Variants in TCF4 observed in about 807,000 individuals in gnomAD.
The protein encoded by TCF4 is SL3-3 enhancer factor 2.
In TCF4, 3 loss-of-function variants were observed where a neutral mutation model predicts 82.1. That is an observed-to-expected ratio of 0.04 (90% CI 0.02 to 0.09). The LOEUF (loss-of-function observed/expected upper bound fraction) is 0.09, where lower values mean the gene tolerates loss of function less well. TCF4 is among the 10% of genes least tolerant of loss of function. TCF4 has a pLI of 1.00. For missense variants in TCF4, 518 were observed against 852.7 expected, an observed-to-expected ratio of 0.61 and a Z score of 4.89; for synonymous variants, 276 against 309.6, an observed-to-expected ratio of 0.89 and a Z score of 1.14.
At chr18:55,493,135 G>C (rs995555869) in intron 3 of TCF4, among the ~76,000 whole-genome samples, 2 of 152,102 alleles carry the variant, frequency 1.3e-5, no homozygotes, top group Admixed American at 6.5e-5. Flanking sequence ...CAAGACGACA[G>C]GACAGTCAGC....
chr18:55,401,727 C>T (rs1194312590), intron 6 of TCF4: 18 of 985,944 alleles, frequency 1.8e-5, no homozygotes, highest in Non-Finnish European at 1.9e-5. Flanking sequence ...AGGGGCCTCA[C>T]GCTTACTCAG....
At chr18:55,478,275 C>T (rs982417975) in intron 3 of TCF4, among the ~76,000 whole-genome samples, 1 of 152,218 alleles carries the variant, frequency 6.6e-6, no homozygotes, top group African/African-American at 2.4e-5. Flanking sequence ...TGGTCTGTAA[C>T]AGCACAGGCT....
chr18:55,604,550 C>G (rs1226555870), intron 2 of TCF4, among the ~76,000 whole-genome samples: 2 of 152,176 alleles, frequency 1.3e-5, no homozygotes, highest in African/African-American at 4.8e-5. Context: ...GCGCATTGCC[C>G]ACCCAGTTGC....
intron 5 of TCF4, among the ~76,000 whole-genome samples, chr18:55,407,082 G>C (rs749464314): frequency 1.3e-5 from 2 of 152,066 alleles, no homozygotes; most frequent in Admixed American, 6.6e-5. Context: ...GGGTTGGTGC[G>C]GGGGGCGGGG....
chr18:55,411,891 C>T (rs2094359907), intron 5 of TCF4, among the ~76,000 whole-genome samples: 1 of 152,152 alleles, frequency 6.6e-6, no homozygotes, highest in Admixed American at 6.5e-5. Context: ...CACGCATGTG[C>T]CACCACATCC....
intron 8 of TCF4, among the ~76,000 whole-genome samples, chr18:55,343,631 C>G (rs1367834989): frequency 1.3e-5 from 2 of 152,138 alleles, no homozygotes; most frequent in Non-Finnish European, 2.9e-5. Context: ...GCAGAAACTT[C>G]TGCACTACCT....
Position 55,223,616 on chromosome 18 carries a change from A to G in TCF4, c.*4419T>C, listed in dbSNP as rs1010488689. The G allele has an allele frequency of 2.0e-5, 3 of 152,308 alleles. No individual in the cohort carries two copies. Among genetic ancestry groups the G allele is most frequent in the African/African-American group, 7.3e-5 (3 of 41,342 alleles). The allele number at this position is 152,308 out of a possible 1,614,324, so 9.4% of individuals were successfully genotyped here. On this transcript the variant is annotated 3_prime_UTR_variant, in exon 20 of 20. Coordinates refer to ENST00000354452, the MANE Select transcript of TCF4 (RefSeq NM_001083962.2). ...TTGGACACTTCTACAAATCAGAAATACACCAAAAACATGAAAAAATCGAGG... is the reference window on the plus strand; with the variant it reads ...TTGGACACTTCTACAAATCAGAAATGCACCAAAAACATGAAAAAATCGAGG...
intron 5 of TCF4, among the ~76,000 whole-genome samples, chr18:55,446,941 G>A (rs986081039): frequency 4.1e-5 from 6 of 147,734 alleles, no homozygotes; most frequent in East Asian, 4.0e-4. Context: ...AGCGGAGATC[G>A]CGCCACTGCA....
At chr18:55,432,290 G>C (rs1463437211) in intron 5 of TCF4, among the ~76,000 whole-genome samples, 1 of 152,088 alleles carries the variant, frequency 6.6e-6, no homozygotes, top group African/African-American at 2.4e-5. Context: ...GCGACAGAGT[G>C]AGACTCTGTC....
intron 6 of TCF4, chr18:55,384,007 G>A (rs1333642363): frequency 6.6e-6 from 1 of 152,184 alleles, no homozygotes; most frequent in African/African-American, 2.4e-5. Context: ...TGACTCTTCT[G>A]ACAGAGAATC....
intron 2 of TCF4, among the ~76,000 whole-genome samples, chr18:55,611,150 T>G (rs896332256): frequency 6.6e-6 from 1 of 152,158 alleles, no homozygotes; most frequent in African/African-American, 2.4e-5. Context: ...AATCTTGCTT[T>G]GGTAATAGTT....
At position 55,318,496 on chromosome 18, in the gene TCF4, T is replaced by C. The variant is rs999683043; in HGVS notation, c.549+31863A>G. On this transcript the variant is annotated intron_variant, in intron 8 of 19. Transcript: ENST00000354452. The stretch of plus-strand genomic sequence containing the variant: ...CGTTAGTATTTAAACCTCTAATGCA[T>C]AGAGGAAAAAAAAATCACAAAAATT... 6.6e-5 allele frequency among the ~76,000 whole-genome samples: 10 copies of C among 152,034 alleles called. No individual in the cohort carries two copies. The South Asian group carries it at 1.7e-3, about 25-fold the overall frequency.
chr18:55,403,432 C>A (rs59456155), intron 6 of TCF4, 22 bp downstream of exon 6: 2 of 1,613,232 alleles, frequency 1.2e-6, no homozygotes, highest in Non-Finnish European at 1.7e-6. Flanking sequence ...TCAACCCTTC[C>A]GCAACAGAGA....
At chr18:55,365,337 C>T (rs181415742) in intron 6 of TCF4, among the ~76,000 whole-genome samples, 137 of 146,050 alleles carry the variant, frequency 9.4e-4, no homozygotes, top group African/African-American at 3.3e-3. Flanking sequence ...TGCTGGGTCC[C>T]ACTTTTCTGT....
intron 6 of TCF4, among the ~76,000 whole-genome samples, chr18:55,364,873 T>C (rs1226333504): frequency 6.6e-6 from 1 of 152,018 alleles, no homozygotes; most frequent in African/African-American, 2.4e-5. Flanking sequence ...ATTAAAAATA[T>C]ATAAGGGCTG....
chr18:55,234,929 G>C (rs1423843301), intron 15 of TCF4, among the ~76,000 whole-genome samples: 1 of 152,100 alleles, frequency 6.6e-6, no homozygotes, highest in African/African-American at 2.4e-5. Flanking sequence ...CAGGTAAAAC[G>C]TCAAATTGCC....
At chr18:55,622,246 T>C (rs185325627) in intron 2 of TCF4, among the ~76,000 whole-genome samples, 93 of 150,774 alleles carry the variant, frequency 6.2e-4, no homozygotes, top group East Asian at 3.9e-3. Context: ...TGGTGGACCA[T>C]GCCTGTAATC....
intron 8 of TCF4, chr18:55,322,190 G>A (rs1462188529): frequency 2.2e-5 from 23 of 1,051,416 alleles, no homozygotes; most frequent in Non-Finnish European, 2.6e-5. Context: ...GGGTAAAAGT[G>A]GAACAGGGTC....
intron 3 of TCF4, among the ~76,000 whole-genome samples, chr18:55,569,220 A>G (rs1212568320): frequency 1.3e-5 from 2 of 152,108 alleles, no homozygotes; most frequent in Non-Finnish European, 1.5e-5. Flanking sequence ...GACAAAAAAA[A>G]AAAAAGGCCA....
Sources: allele counts gnomAD v4.1 joint callset (sites outside exome capture counted in the v4.1 genomes callset), GRCh38; gene constraint gnomAD v4.1.1; transcripts MANE v1.5; gene names NCBI Gene and HGNC (gene_info 2026-07-23, HGNC 2026-07-21).